PDE3B: variants seen among roughly 807,000 people sequenced by gnomAD.
PDE3B encodes the protein cGMP-inhibited 3',5'-cyclic phosphodiesterase 3B.
PDE3B carries 66 observed loss-of-function variants against 116.8 expected under a neutral mutation model. The observed-to-expected ratio is 0.56, with a 90% CI of 0.46 to 0.69. The LOEUF is 0.69. Ranked by LOEUF, PDE3B falls within the 30% of genes least tolerant of loss-of-function variation. The pLI is 0.00. For missense variants in PDE3B, 1,384 were observed against 1,368.1 expected, an observed-to-expected ratio of 1.01 and a Z score of -0.18; for synonymous variants, 595 against 533.6, an observed-to-expected ratio of 1.12 and a Z score of -1.59.
intron 1 of PDE3B, among the ~76,000 whole-genome samples, chr11:14,686,309 C>T (rs1333512398): frequency 2.0e-5 from 3 of 152,184 alleles, no homozygotes; most frequent in Admixed American, 6.5e-5. Context: ...ATATTTAATT[C>T]CATCCTTAAA....
At chr11:14,649,238 A>G (rs1000908443) in intron 1 of PDE3B, among the ~76,000 whole-genome samples, 1 of 151,946 alleles carries the variant, frequency 6.6e-6, no homozygotes, top group Non-Finnish European at 1.5e-5. Flanking sequence ...TCCCTAGCAC[A>G]CTCTTCTAAG....
intron 1 of PDE3B, among the ~76,000 whole-genome samples, chr11:14,686,638 T>C (rs963424550): frequency 1.3e-5 from 2 of 152,230 alleles, no homozygotes; most frequent in Admixed American, 1.3e-4. Flanking sequence ...AATTTTAAAT[T>C]ACCTTACCAT....
chr11:14,744,371 G>C lies in PDE3B; in HGVS notation c.979-27566G>C, dbSNP rs1049244022. On this transcript the variant is annotated intron_variant, in intron 1 of 15. Coordinates refer to ENST00000282096, the MANE Select transcript of PDE3B (RefSeq NM_000922.4). ...AGGAATTGCATTGCATTTTTAGTTT[G>C]CTTTGGGTGATATTGCCATTTTCAC... is the stretch of plus-strand genomic sequence containing the variant. Among the ~76,000 whole-genome samples, 92 of 152,026 alleles carry C rather than the reference G, an allele frequency of 6.1e-4. 3 individuals are homozygous for C. Among genetic ancestry groups the C allele is most frequent in the Admixed American group, 1.2e-3 (18 of 15,266 alleles).
At chr11:14,647,569 C>T (rs1348454797) in intron 1 of PDE3B, among the ~76,000 whole-genome samples, 1 of 151,888 alleles carries the variant, frequency 6.6e-6, no homozygotes, top group African/African-American at 2.4e-5. Context: ...ACCTTGCTAA[C>T]CTATACTTTC....
chr11:14,782,775 T>G (rs987650296), intron 2 of PDE3B, among the ~76,000 whole-genome samples: 7 of 152,102 alleles, frequency 4.6e-5, no homozygotes, highest in Non-Finnish European at 1.0e-4. Flanking sequence ...CTAATTAAAC[T>G]AAAGAGCTTC....
chr11:14,693,385 G>A (rs1484987256), intron 1 of PDE3B, among the ~76,000 whole-genome samples: 1 of 152,192 alleles, frequency 6.6e-6, no homozygotes, highest in Non-Finnish European at 1.5e-5. Flanking sequence ...GAAGATGCTA[G>A]GACTTTCTAG....
chr11:14,849,205 T>C (rs1847683484), intron 12 of PDE3B, among the ~76,000 whole-genome samples: 2 of 152,224 alleles, frequency 1.3e-5, no homozygotes, highest in Admixed American at 6.5e-5. Context: ...TATCTGATCT[T>C]TGACAAACCT....
intron 7 of PDE3B, among the ~76,000 whole-genome samples, chr11:14,826,018 CT>C (rs1288960110): frequency 1.3e-5 from 2 of 152,188 alleles, no homozygotes; most frequent in Non-Finnish European, 2.9e-5. Flanking sequence ...TCCTGAATGA[CT>C]TTTGGGCAAA....
intron 4 of PDE3B, among the ~76,000 whole-genome samples, chr11:14,793,042 T>C (rs1020529808): frequency 2.6e-5 from 4 of 152,326 alleles, no homozygotes; most frequent in African/African-American, 7.2e-5. Flanking sequence ...GACAAATGGC[T>C]GCTTAACAAG....
intron 11 of PDE3B, among the ~76,000 whole-genome samples, chr11:14,838,082 G>A (rs1485967337): frequency 1.3e-5 from 2 of 151,860 alleles, no homozygotes; most frequent in Non-Finnish European, 2.9e-5. Flanking sequence ...GGGTTCATGC[G>A]ATTCTCCTGC....
At chr11:14,826,868 A>C (rs1859709631) in intron 7 of PDE3B, among the ~76,000 whole-genome samples, 1 of 152,174 alleles carries the variant, frequency 6.6e-6, no homozygotes, top group South Asian at 2.1e-4. Flanking sequence ...CACAAGAAAA[A>C]AACAAAACCT....
At chr11:14,767,594 A>G (rs1172898198) in intron 1 of PDE3B, among the ~76,000 whole-genome samples, 1 of 151,536 alleles carries the variant, frequency 6.6e-6, no homozygotes, top group South Asian at 2.1e-4. Context: ...TATTCAAATG[A>G]TGTGAAAATA....
chr11:14,721,217 C>A (rs1590088262), intron 1 of PDE3B, among the ~76,000 whole-genome samples: 2 of 152,166 alleles, frequency 1.3e-5, no homozygotes, highest in Non-Finnish European at 1.5e-5. Flanking sequence ...AATCAAAACA[C>A]TATGAGATAC....
At chr11:14,650,262 T>C (rs1853535558) in intron 1 of PDE3B, among the ~76,000 whole-genome samples, 1 of 151,682 alleles carries the variant, frequency 6.6e-6, no homozygotes, top group African/African-American at 2.4e-5. Context: ...GGTGCAGTGA[T>C]GTGCAATCTT....
intron 1 of PDE3B, among the ~76,000 whole-genome samples, chr11:14,676,456 A>G (rs1341334806): frequency 6.6e-6 from 1 of 152,164 alleles, no homozygotes; most frequent in Non-Finnish European, 1.5e-5. Flanking sequence ...ATATTTAAAC[A>G]TAGAAAAAGT....
chr11:14,667,167 A>T (rs1309571757), intron 1 of PDE3B, among the ~76,000 whole-genome samples: 1 of 151,922 alleles, frequency 6.6e-6, no homozygotes, highest in South Asian at 2.1e-4. Flanking sequence ...CATCATTCCC[A>T]GTAAACTATC....
At chr11:14,755,979 T>G (rs987962903) in intron 1 of PDE3B, among the ~76,000 whole-genome samples, 1 of 152,176 alleles carries the variant, frequency 6.6e-6, no homozygotes, top group Non-Finnish European at 1.5e-5. Context: ...TTCTACATCA[T>G]TCCCAGAACA....
chr11:14,740,877 G>A (rs1487955512), intron 1 of PDE3B, among the ~76,000 whole-genome samples: 1 of 152,186 alleles, frequency 6.6e-6, no homozygotes, highest in Non-Finnish European at 1.5e-5. Flanking sequence ...TCATTCAGGA[G>A]CAGGTTGTTC....
chr11:14,892,365 C>A, the PDE3B span: 88 of 688,532 alleles, frequency 1.3e-4, no homozygotes, highest in Middle Eastern at 8.0e-4. Flanking sequence ...GGACAACTAC[C>A]TTCTAGTTTT....
Sources: allele counts gnomAD v4.1 joint callset (sites outside exome capture counted in the v4.1 genomes callset), GRCh38; gene constraint gnomAD v4.1.1; transcripts MANE v1.5; gene names NCBI Gene and HGNC (gene_info 2026-07-23, HGNC 2026-07-21).